Variants in SLC47A1 observed in about 807,000 individuals in gnomAD.
SLC47A1 encodes solute carrier family 47 member 1.
SLC47A1 carries 58 observed loss-of-function variants against 65.8 expected under a neutral mutation model. The observed-to-expected ratio is 0.88, with a 90% CI of 0.71 to 1.10. The LOEUF (loss-of-function observed/expected upper bound fraction) is 1.10, where lower values mean the gene tolerates loss of function less well. Among genes scored for constraint, SLC47A1 ranks in the 50% least tolerant of loss-of-function variants. The pLI is 0.00. For missense variants in SLC47A1, 706 were observed against 719.2 expected, an observed-to-expected ratio of 0.98 and a Z score of 0.21; for synonymous variants, 285 against 295.0, an observed-to-expected ratio of 0.97 and a Z score of 0.35.
chr17:19,570,801 TG>T, intron 14 of SLC47A1: 1 of 152,444 alleles, frequency 6.6e-6, no homozygotes, highest in East Asian at 1.9e-4. Flanking sequence ...TTGGAGCTTT[TG>T]GTTCTGCCAT....
chr17:19,547,869 T>A (rs1245318962), intron 3 of SLC47A1, 116 bp from the exon 4 acceptor site: 7 of 1,183,892 alleles, frequency 5.9e-6, no homozygotes, highest in Non-Finnish European at 8.1e-6. Context: ...ATTACAGGCG[T>A]GAGCCACCTT....
At chr17:19,537,195 A>G (rs1246925193) in intron 1 of SLC47A1, among the ~76,000 whole-genome samples, 1 of 152,208 alleles carries the variant, frequency 6.6e-6, no homozygotes, top group Non-Finnish European at 1.5e-5. Flanking sequence ...GCTCAGGGAA[A>G]TGTTTCCACT....
At chr17:19,559,026 G>T (rs1490071535) in intron 10 of SLC47A1, among the ~76,000 whole-genome samples, 1 of 152,048 alleles carries the variant, frequency 6.6e-6, no homozygotes, top group Non-Finnish European at 1.5e-5. Flanking sequence ...TTTTTCAAGT[G>T]GTAACTTTAT....
chr17:19,555,728 G>C (rs375032630), intron 8 of SLC47A1, 38 bp downstream of exon 8: 1 of 1,613,530 alleles, frequency 6.2e-7, no homozygotes, highest in African/African-American at 1.3e-5. Context: ...TGGGATGTGG[G>C]TTTTGTCTCA....
At chr17:19,555,374 A>G (rs1916573122) in intron 7 of SLC47A1, 65 bp downstream of exon 7, 2 of 1,542,582 alleles carry the variant, frequency 1.3e-6, no homozygotes, top group Admixed American at 3.3e-5. Context: ...TCCAGGAGGG[A>G]GAAGAGTGGG....
intron 16 of SLC47A1, among the ~76,000 whole-genome samples, chr17:19,576,261 T>C (rs1476469117): frequency 1.3e-5 from 2 of 150,146 alleles, no homozygotes; most frequent in South Asian, 2.3e-4. Flanking sequence ...TGAAATTCTC[T>C]GCAATCCTTC....
rs536046138 is a variant in SLC47A1 at position 19,574,009 on chromosome 17, G to A, written c.1486+1148G>A. Among the ~76,000 whole-genome samples, 15 of 146,580 alleles carry A rather than the reference G, an allele frequency of 1.0e-4. No homozygotes were observed. The East Asian group carries it at 1.4e-3, about 14-fold the overall frequency. ...GCGATCTCAGCTCACTGCAACCTCC[G>A]CCTCCCGGGTTCAAGCGATTCTCCT... On this transcript the variant is annotated intron_variant, in intron 16 of 16. Transcript: ENST00000270570.
chr17:19,548,471 C>T lies in SLC47A1; in HGVS notation c.455+338C>T, dbSNP rs558409156. 7.3e-4 allele frequency among the ~76,000 whole-genome samples: 110 copies of T among 151,344 alleles called. 1 individual carries two copies. The highest frequency in any genetic ancestry group is 2.6e-3 in the African/African-American group (109 of 41,166). On this transcript the variant is annotated intron_variant, in intron 4 of 16. Coordinates refer to ENST00000270570, the MANE Select transcript of SLC47A1 (RefSeq NM_018242.3). ...CTGGGTGCTTTCAAACCCACCTGTG[C>T]CCCTGCTCCCTACCACCCAAGATTT...
chr17:19,569,682 C>A (rs2084385176), intron 14 of SLC47A1, among the ~76,000 whole-genome samples: 1 of 152,238 alleles, frequency 6.6e-6, no homozygotes, highest in Non-Finnish European at 1.5e-5. Flanking sequence ...AATTCCTGGG[C>A]CTTGCCCATG....
At position 19,555,673 on chromosome 17, in the gene SLC47A1, A is replaced by C. The variant is rs780418845; in HGVS notation, c.722A>C (p.His241Pro). Residue 241 changes from histidine to proline, a missense_variant, in exon 8 of 17, where the codon CAT becomes CCT. Physicochemically the swap from His to Pro is moderately conservative, Grantham distance 77. Coordinates refer to ENST00000270570, the MANE Select transcript of SLC47A1 (RefSeq NM_018242.3). ...CTCTACATCCTCGGGAAAAAACTGC[A>C]TCAAGCTACATGGGGAGGTAATGAC... Reference protein sequence around the residue: ...LFLYILGKKLHQATWGGWSLE... With the variant: ...LFLYILGKKLPQATWGGWSLE... The C allele has an allele frequency of 1.2e-6, 2 of 1,614,200 alleles. No homozygotes were observed.
At chr17:19,549,500 A>G (rs946004380) in intron 4 of SLC47A1, 135 bp from the exon 5 acceptor site, 2 of 918,448 alleles carry the variant, frequency 2.2e-6, no homozygotes, top group African/African-American at 3.3e-5. Flanking sequence ...GGCCTGCTCC[A>G]GCAACTTAAG....
At position 19,555,304 on chromosome 17, in the gene SLC47A1, G is replaced by C; in HGVS notation, c.636G>C (p.Gly212=). 2 of 1,614,160 alleles carry C rather than the reference G, an allele frequency of 1.2e-6. No homozygotes were observed. The highest frequency in any genetic ancestry group is 1.7e-6 in the Non-Finnish European group (2 of 1,180,002). Residue 212 remains glycine, a synonymous_variant, in exon 7 of 17, where the codon GGG becomes GGC. Transcript: ENST00000270570. ...TGTTTCTCCATCAACTGCATCTTGG[G>C]GTGATGTGAGTCCAACATACTCTTG... The part of the protein sequence containing the change: ...NYLFLHQLHL[G]VIGSALANLI...
At chr17:19,570,256 C>T (rs1316930889) in intron 14 of SLC47A1, among the ~76,000 whole-genome samples, 2 of 152,216 alleles carry the variant, frequency 1.3e-5, no homozygotes, top group African/African-American at 4.8e-5. Context: ...TAGATCTGGA[C>T]AGCTGTGGAA....
chr17:19,539,595 C>T (rs1466295686), intron 1 of SLC47A1, among the ~76,000 whole-genome samples: 5 of 151,926 alleles, frequency 3.3e-5, no homozygotes, highest in African/African-American at 4.8e-5. Context: ...AACGATTCTC[C>T]TGCCTCAGCC....
chr17:19,545,462 G>T (rs1447028360), intron 2 of SLC47A1, among the ~76,000 whole-genome samples: 2 of 151,880 alleles, frequency 1.3e-5, no homozygotes, highest in Non-Finnish European at 1.5e-5. Context: ...AAAGTGCTGG[G>T]ATTACAGGCG....
At chr17:19,561,516 G>A (rs1207646842) in intron 12 of SLC47A1, among the ~76,000 whole-genome samples, 5 of 151,686 alleles carry the variant, frequency 3.3e-5, no homozygotes, top group Non-Finnish European at 5.9e-5. Context: ...GGTGGCGGGC[G>A]CCTGTAGTCC....
chr17:19,539,180 C>T (rs537977739), intron 1 of SLC47A1, among the ~76,000 whole-genome samples: 1 of 151,860 alleles, frequency 6.6e-6, no homozygotes, highest in Non-Finnish European at 1.5e-5. Flanking sequence ...CCAAGTGCTG[C>T]GATTGCAGGG....
At position 19,555,244 on chromosome 17, in the gene SLC47A1, T is replaced by C. The variant is rs201375305; in HGVS notation, c.576T>C (p.Val192=). The change falls in exon 7 of 17, where the codon GTT becomes GTC. Residue 192 remains valine, a synonymous_variant. Transcript: ENST00000270570. ...TACTGCCCCAGATCGTAACTGGAGT[T>C]GCAGCCAACCTTGTCAATGCCCTCG... ...GIVLPQIVTG[V]AANLVNALAN... is the part of the protein sequence containing the mutation. The C allele has an allele frequency of 4.3e-6, 7 of 1,614,238 alleles. No individual in the cohort carries two copies. Among genetic ancestry groups the C allele is most frequent in the Non-Finnish European group, 5.9e-6 (7 of 1,180,040 alleles).
chr17:19,572,805 T>G lies in SLC47A1; in HGVS notation c.1430T>G (p.Val477Gly). The G allele has an allele frequency of 6.2e-7, 1 of 1,614,118 alleles. No homozygotes were observed. The highest frequency in any genetic ancestry group is 2.2e-5 in the East Asian group (1 of 44,882). The change falls in exon 16 of 17, where the codon GTA becomes GGA. Residue 477 changes from valine to glycine, a missense_variant. By Grantham distance (109) the Val-to-Gly change is moderately radical (BLOSUM62 -3). Coordinates refer to ENST00000270570, the MANE Select transcript of SLC47A1 (RefSeq NM_018242.3). ...GCTCAGGTACACGCCAATTTGAAAGTAAACAACGTGCCTCGGAGTGGGAAT... is the reference window on the plus strand; with the variant it reads ...GCTCAGGTACACGCCAATTTGAAAGGAAACAACGTGCCTCGGAGTGGGAAT... ...QQAQVHANLK[V>G]NNVPRSGNSA... is the part of the protein sequence containing the mutation.
Sources: allele counts gnomAD v4.1 joint callset (sites outside exome capture counted in the v4.1 genomes callset), GRCh38; gene constraint gnomAD v4.1.1; transcripts MANE v1.5; gene names NCBI Gene and HGNC (gene_info 2026-07-23, HGNC 2026-07-21).